HPCAL1: variants seen among roughly 807,000 people sequenced by gnomAD.
HPCAL1 encodes the protein hippocalcin like 1.
HPCAL1 carries 8 observed loss-of-function variants against 17.1 expected under a neutral mutation model. The observed-to-expected ratio is 0.47, with a 90% CI of 0.27 to 0.84. The LOEUF (loss-of-function observed/expected upper bound fraction) is 0.84, where lower values mean the gene tolerates loss of function less well. HPCAL1 is among the 40% of genes least tolerant of loss of function. The probability of loss-of-function intolerance (pLI) is 0.13; values close to 1 mark genes in which losing one functional copy is unlikely to be tolerated. For missense variants in HPCAL1, 165 were observed against 271.1 expected, an observed-to-expected ratio of 0.61 and a Z score of 2.75; for synonymous variants, 112 against 111.4, an observed-to-expected ratio of 1.01 and a Z score of -0.03.
rs559939283 is a variant in HPCAL1, at chr2:10,357,069, C to T, written c.-110-39766C>T. Among the ~76,000 whole-genome samples, 9 of 152,252 alleles carry T rather than the reference C, an allele frequency of 5.9e-5. 2 individuals carry two copies. The highest frequency in any genetic ancestry group is 2.2e-4 in the African/African-American group (9 of 41,536). Reference sequence around the variant, plus strand: ...TTGAGGCTGCAGTGAGCTATGATTGCACCACTGCACTCCAGCCTGGGTGAC... The same window carrying T: ...TTGAGGCTGCAGTGAGCTATGATTGTACCACTGCACTCCAGCCTGGGTGAC... On this transcript the variant is annotated intron_variant, in intron 1 of 4. Coordinates refer to ENST00000307845, the MANE Select transcript of HPCAL1 (RefSeq NM_002149.4).
At chr2:10,349,558 C>G (rs184159305) in intron 1 of HPCAL1, among the ~76,000 whole-genome samples, 114 of 151,592 alleles carry the variant, frequency 7.5e-4, no homozygotes, top group African/African-American at 2.6e-3. Context: ...AAAAAATTAG[C>G]TGGGCGTGGT....
chr2:10,357,530 G>C (rs1387618680), intron 1 of HPCAL1, among the ~76,000 whole-genome samples: 2 of 152,202 alleles, frequency 1.3e-5, no homozygotes, highest in Non-Finnish European at 2.9e-5. Flanking sequence ...ATTGGCTTTA[G>C]ATCGTCGCCT....
rs1006287223 is a variant in HPCAL1 at position 10,394,462 on chromosome 2, C to T, written c.-110-2373C>T. Among the ~76,000 whole-genome samples the T allele has an allele frequency of 3.3e-5, 5 of 152,118 alleles. No individual in the cohort carries two copies. Among genetic ancestry groups the T allele is most frequent in the Admixed American group, 6.5e-5 (1 of 15,274 alleles). On this transcript the variant is annotated intron_variant, in intron 1 of 4. Coordinates refer to ENST00000307845, the MANE Select transcript of HPCAL1 (RefSeq NM_002149.4). The surrounding 1 kb of genome is among the most constrained non-coding windows in gnomAD (Gnocchi z 5.0). Reference sequence around the variant, plus strand: ...TGTGAGATAAATTGGCTGAGATCATCGATTTGAAAACGCCGTGAGAAAATA... The same window carrying T: ...TGTGAGATAAATTGGCTGAGATCATTGATTTGAAAACGCCGTGAGAAAATA...
At chr2:10,425,126 T>C (rs3771119) in intron 4 of HPCAL1, 96,105 of 158,274 alleles carry the variant, frequency 0.61, 30,264 homozygotes, top group African/African-American at 0.76. Context: ...TGGGCTGGCC[T>C]GCTCTCTCTC....
At chr2:10,398,583 C>T (rs1352788762) in intron 2 of HPCAL1, among the ~76,000 whole-genome samples, 1 of 152,170 alleles carries the variant, frequency 6.6e-6, no homozygotes, top group African/African-American at 2.4e-5. Flanking sequence ...GCCCAGGGCC[C>T]AGGGCAGACC....
At chr2:10,422,907 G>T in intron 3 of HPCAL1, 76 bp from the exon 4 acceptor site, 5 of 1,022,794 alleles carry the variant, frequency 4.9e-6, no homozygotes, top group South Asian at 4.1e-5. Context: ...GTTGTGGGCT[G>T]GGCGGAAGCC....
chr2:10,415,972 C>G (rs1019524115), intron 2 of HPCAL1, among the ~76,000 whole-genome samples: 5 of 152,202 alleles, frequency 3.3e-5, no homozygotes, highest in African/African-American at 1.2e-4. Context: ...CAGGAGGAGC[C>G]ACCACGGGTG....
chr2:10,333,522 T>C (rs114700218), intron 1 of HPCAL1, among the ~76,000 whole-genome samples: 3,437 of 152,238 alleles, frequency 0.023, 145 homozygotes, highest in African/African-American at 0.078. Flanking sequence ...GCACCTTCTC[T>C]TCCCACGTGG....
At chr2:10,405,499 C>T (rs1021416796) in intron 2 of HPCAL1, among the ~76,000 whole-genome samples, 1 of 152,246 alleles carries the variant, frequency 6.6e-6, no homozygotes, top group African/African-American at 2.4e-5. Flanking sequence ...CTCAGTTTTG[C>T]TCCCGCTAGG....
chr2:10,318,686 C>T (rs774029768), intron 1 of HPCAL1, among the ~76,000 whole-genome samples: 5 of 152,306 alleles, frequency 3.3e-5, no homozygotes, highest in East Asian at 1.9e-4. Context: ...CCAAGTGCCA[C>T]GGGCTTAGAG....
chr2:10,399,538 CCACCAT>C (rs1359881238), intron 2 of HPCAL1, among the ~76,000 whole-genome samples: 2,530 of 106,966 alleles, frequency 0.024, 118 homozygotes, highest in African/African-American at 0.074. Flanking sequence ...ACTGCCACCG[CCACCAT>C]CACCGCCACC....
chr2:10,380,323 C>A (rs895998233), intron 1 of HPCAL1, among the ~76,000 whole-genome samples: 6 of 152,176 alleles, frequency 3.9e-5, no homozygotes, highest in African/African-American at 1.4e-4. Flanking sequence ...TCTTAGTGGG[C>A]ACACCAGGGC....
intron 1 of HPCAL1, among the ~76,000 whole-genome samples, chr2:10,311,760 A>T (rs1662973604): frequency 6.6e-6 from 1 of 152,070 alleles, no homozygotes; most frequent in African/African-American, 2.4e-5. Flanking sequence ...CAAAACCATT[A>T]TCACCATTAT....
intron 2 of HPCAL1, among the ~76,000 whole-genome samples, chr2:10,408,388 G>A (rs1223273579): frequency 6.6e-6 from 1 of 152,232 alleles, no homozygotes; most frequent in Non-Finnish European, 1.5e-5. Flanking sequence ...CTCAACAACA[G>A]GTCATTGGCC....
At chr2:10,382,027 C>T (rs1406896324) in intron 1 of HPCAL1, among the ~76,000 whole-genome samples, 1 of 152,200 alleles carries the variant, frequency 6.6e-6, no homozygotes, top group Non-Finnish European at 1.5e-5. Flanking sequence ...TTGGAGGCAG[C>T]GAAGGTGTCC....
In HPCAL1 at chr2:10,403,451, CTTTTGT is replaced by C. The variant is rs1162348141; in HGVS notation, c.-25+6532_-25+6537del. Among the ~76,000 whole-genome samples the C allele has an allele frequency of 9.9e-5, 4 of 40,286 alleles. No individual in the cohort carries two copies. In the East Asian group the frequency reaches 2.1e-3, roughly 21 times the overall value. The allele number at this position is 40,286 out of a possible 152,430, so 26.4% of individuals were successfully genotyped here. Reference sequence around the variant, plus strand: ...AATGATGCCCTCATAACAAAGAGTTCTTTTGTGTGTGTGTGTGTGTGTGTGTGTGTG... The same window carrying C: ...AATGATGCCCTCATAACAAAGAGTTCGTGTGTGTGTGTGTGTGTGTGTGTG... On this transcript the variant is annotated intron_variant, in intron 2 of 4. Transcript: ENST00000307845.
intron 1 of HPCAL1, among the ~76,000 whole-genome samples, chr2:10,315,465 C>T (rs1255901397): frequency 6.6e-6 from 1 of 152,126 alleles, no homozygotes; most frequent in African/African-American, 2.4e-5. Context: ...TAAATTTTCA[C>T]CAGTGGGCAT....
rs1297537898 is a variant in HPCAL1 at position 10,354,203 on chromosome 2, C to A, written c.-110-42632C>A. Reference sequence around the variant, plus strand: ...AAGCCTCAACTCACTCATCTTCTTTCTCAACCCCTCAGGCCCAGCAGAAGT... The same window carrying A: ...AAGCCTCAACTCACTCATCTTCTTTATCAACCCCTCAGGCCCAGCAGAAGT... On this transcript the variant is annotated intron_variant, in intron 1 of 4. Transcript: ENST00000307845. The surrounding 1 kb of genome is among the most constrained non-coding windows in gnomAD (Gnocchi z 5.1). 1 of 152,252 alleles carries A rather than the reference C, an allele frequency of 6.6e-6. No individual in the cohort carries two copies. Among genetic ancestry groups the A allele is most frequent in the Non-Finnish European group, 1.5e-5 (1 of 68,064 alleles). 9.4% of individuals were successfully genotyped at this position (152,252 alleles called of 1,614,324 possible).
rs1172653692 is a variant in HPCAL1, at chr2:10,304,446, GA to G, written c.-111+1270del. ...CCACCAGAGGAGGATGTTTGCCAGG[GA>G]CGCCGAGTCCAGCTGCTGGCCTCGG... On this transcript the variant is annotated intron_variant, in intron 1 of 4. Transcript: ENST00000307845. This position sits in a 1 kb window ranked among gnomAD's most constrained non-coding sequence, Gnocchi z 4.1. Among the ~76,000 whole-genome samples the G allele has an allele frequency of 7.0e-6, 1 of 143,674 alleles. No homozygotes were observed. Among genetic ancestry groups the G allele is most frequent in the Non-Finnish European group, 1.5e-5 (1 of 65,344 alleles). The allele number at this position is 143,674 out of a possible 152,430, so 94.3% of individuals were successfully genotyped here. A position where few individuals can be genotyped will look rare whatever the true frequency, so the allele number is the denominator to read the frequency against.
Sources: gnomAD v4.1 joint callset for allele counts (sites outside exome capture counted in the v4.1 genomes callset) on GRCh38, gnomAD v4.1.1 for gene constraint, Gnocchi (gnomAD v3.1) non-coding constraint, MANE v1.5 for transcripts, NCBI Gene and HGNC (gene_info 2026-07-23, HGNC 2026-07-21) for gene names.